Variants in CEP83 observed in about 807,000 individuals in gnomAD.
CEP83 encodes the protein centrosomal protein 83.
Under a neutral mutation model 101.9 loss-of-function variants are expected in CEP83, and 70 were observed. The observed-to-expected ratio is 0.69, with a 90% confidence interval of 0.57 to 0.84. The LOEUF is 0.84. CEP83 is among the 40% of genes least tolerant of loss of function. The pLI is 0.00. For synonymous variants in CEP83, 264 were observed against 267.9 expected, an observed-to-expected ratio of 0.99 and a Z score of 0.14; for missense variants, 715 against 787.2, an observed-to-expected ratio of 0.91 and a Z score of 1.10.
intron 1 of CEP83, among the ~76,000 whole-genome samples, chr12:94,448,692 A>T (rs1760572545): frequency 6.6e-6 from 1 of 152,192 alleles, no homozygotes. Flanking sequence ...TGATCAAAGA[A>T]GAAATTGCAA....
At chr12:94,267,969 AC>A in the CEP83 span, among the ~76,000 whole-genome samples, 2 of 152,060 alleles carry the variant, frequency 1.3e-5, no homozygotes, top group East Asian at 3.9e-4. Context: ...CGGTGAACAA[AC>A]TGATTCTGTG....
intron 8 of CEP83, among the ~76,000 whole-genome samples, chr12:94,375,518 C>G (rs1284597396): frequency 1.3e-5 from 2 of 152,110 alleles, no homozygotes; most frequent in Non-Finnish European, 2.9e-5. Flanking sequence ...AGCAGAAAGA[C>G]CAGTTAGCAA....
At chr12:94,445,135 A>C (rs1426282511) in intron 1 of CEP83, among the ~76,000 whole-genome samples, 1 of 152,184 alleles carries the variant, frequency 6.6e-6, no homozygotes, top group Non-Finnish European at 1.5e-5. Flanking sequence ...AGTCACAAAA[A>C]TCCATTAAAC....
Position 94,313,030 on chromosome 12 carries a change from AT to A in CEP83, c.1708-14del. The A allele has an allele frequency of 8.3e-7, 1 of 1,201,692 alleles. No homozygotes were observed. The highest frequency in any genetic ancestry group is 1.2e-6 in the Non-Finnish European group (1 of 821,356). 74.4% of individuals were successfully genotyped at this position (1,201,692 alleles called of 1,614,324 possible). ...GAAGAGATTTTCTCTAAAAAGAGAAATATGAACAAGTATGTTAATACATAAT... is the reference window on the plus strand; with the variant it reads ...GAAGAGATTTTCTCTAAAAAGAGAAAATGAACAAGTATGTTAATACATAAT... On this transcript the variant is annotated splice_polypyrimidine_tract_variant and intron_variant, in intron 14 of 16. Coordinates refer to ENST00000397809, the MANE Select transcript of CEP83 (RefSeq NM_016122.3).
intron 14 of CEP83, among the ~76,000 whole-genome samples, chr12:94,318,110 T>C (rs1971023544): frequency 6.6e-6 from 1 of 152,202 alleles, no homozygotes. Flanking sequence ...AGCAGTGTTT[T>C]ATAATTATCA....
chr12:94,419,322 A>C (rs916727535), intron 2 of CEP83, among the ~76,000 whole-genome samples: 4 of 152,110 alleles, frequency 2.6e-5, no homozygotes, highest in Admixed American at 2.6e-4. Flanking sequence ...CAAACTATTT[A>C]TTATAGGAAA....
At chr12:94,279,405 CTT>C in the CEP83 span, 1 of 1,443,296 alleles carries the variant, frequency 6.9e-7, no homozygotes, top group Non-Finnish European at 9.5e-7. Context: ...AGGTTTGTGT[CTT>C]TTATGAAATG....
At chr12:94,399,500 A>T (rs2063121009) in intron 6 of CEP83, among the ~76,000 whole-genome samples, 1 of 152,228 alleles carries the variant, frequency 6.6e-6, no homozygotes, top group African/African-American at 2.4e-5. Flanking sequence ...ACTTGAGGCC[A>T]GTAGTCCGAG....
chr12:94,343,959 C>T (rs2059820361), intron 11 of CEP83, among the ~76,000 whole-genome samples: 1 of 152,058 alleles, frequency 6.6e-6, no homozygotes, highest in Non-Finnish European at 1.5e-5. Flanking sequence ...TGACTAGTGT[C>T]CTTACAAAAA....
chr12:94,404,352 A>G (rs953706816), intron 4 of CEP83, among the ~76,000 whole-genome samples: 1 of 152,138 alleles, frequency 6.6e-6, no homozygotes, highest in Non-Finnish European at 1.5e-5. Context: ...GCTTATATAG[A>G]ACCCTTATAT....
intron 15 of CEP83, 99 bp from the exon 16 acceptor site, chr12:94,310,206 T>G (rs1030428195): frequency 4.1e-6 from 2 of 485,640 alleles, no homozygotes; most frequent in East Asian, 6.2e-5. Flanking sequence ...TTCTAAATTA[T>G]GAGATCTATA....
chr12:94,436,185 C>T (rs2065970889), intron 1 of CEP83, among the ~76,000 whole-genome samples: 1 of 152,042 alleles, frequency 6.6e-6, no homozygotes, highest in African/African-American at 2.4e-5. Flanking sequence ...TGATAACACC[C>T]CCAAAAGATC....
At chr12:94,368,250 T>A in intron 9 of CEP83, 49 bp from the exon 10 acceptor site, 1 of 1,443,358 alleles carries the variant, frequency 6.9e-7, no homozygotes, top group Non-Finnish European at 9.5e-7. Flanking sequence ...GTTATTAAGA[T>A]GAAAAATCAC....
chr12:94,443,631 T>C (rs908298047), intron 1 of CEP83, among the ~76,000 whole-genome samples: 1 of 152,098 alleles, frequency 6.6e-6, no homozygotes, highest in African/African-American at 2.4e-5. Context: ...TGGCTGGGAT[T>C]ACAGGCATGC....
chr12:94,424,756 A>G, intron 2 of CEP83: 2 of 1,612,062 alleles, frequency 1.2e-6, no homozygotes, highest in East Asian at 2.2e-5. Context: ...GCTTGACAAG[A>G]TCTTGGTCAG....
At chr12:94,364,621 C>A (rs2136973864) in intron 11 of CEP83, among the ~76,000 whole-genome samples, 1 of 152,034 alleles carries the variant, frequency 6.6e-6, no homozygotes. Flanking sequence ...AAGACTCTGT[C>A]TCTAAATAAA....
chr12:94,377,817 G>A (rs1362511422), intron 7 of CEP83, among the ~76,000 whole-genome samples: 7 of 152,152 alleles, frequency 4.6e-5, no homozygotes, highest in Non-Finnish European at 8.8e-5. Context: ...ATACATTAAG[G>A]ATGGAAGGAT....
the CEP83 span, chr12:94,300,837 C>A: frequency 7.0e-7 from 1 of 1,425,052 alleles, no homozygotes; most frequent in Non-Finnish European, 9.6e-7. Context: ...CACCCGTTTA[C>A]AAACTGTGAT....
At chr12:94,363,176 T>G (rs2060857366) in intron 11 of CEP83, among the ~76,000 whole-genome samples, 1 of 152,238 alleles carries the variant, frequency 6.6e-6, no homozygotes, top group Non-Finnish European at 1.5e-5. Context: ...GAGACGATTT[T>G]GAATGTTCCC....
Sources: allele counts gnomAD v4.1 joint callset (sites outside exome capture counted in the v4.1 genomes callset), GRCh38; gene constraint gnomAD v4.1.1; transcripts MANE v1.5; gene names NCBI Gene and HGNC (gene_info 2026-07-23, HGNC 2026-07-21).